The following CEP20 variants were observed in gnomAD, a reference collection of about 807,000 sequenced individuals.
The protein encoded by CEP20 is centrosomal protein 20.
In CEP20, 18 loss-of-function variants were observed where a neutral mutation model predicts 20.0. The observed-to-expected ratio is 0.90, with a 90% confidence interval of 0.62 to 1.34. The LOEUF (loss-of-function observed/expected upper bound fraction) is 1.34, where lower values mean the gene tolerates loss of function less well. Among genes scored for constraint, CEP20 ranks in the 40% most tolerant of loss-of-function variants. The pLI is 0.00. For missense variants in CEP20, 215 were observed against 201.6 expected (o/e 1.07, Z -0.40); for synonymous variants, 77 against 73.7 (o/e 1.04, Z -0.23).
intron 4 of CEP20, among the ~76,000 whole-genome samples, chr16:15,870,910 A>C (rs2044799623): frequency 6.6e-6 from 1 of 152,208 alleles, no homozygotes; most frequent in Non-Finnish European, 1.5e-5. Flanking sequence ...AGCAAATTGC[A>C]GGATAACGTG....
intron 2 of CEP20, among the ~76,000 whole-genome samples, chr16:15,882,363 C>A (rs2045119681): frequency 6.6e-6 from 1 of 151,820 alleles, no homozygotes; most frequent in Non-Finnish European, 1.5e-5. Flanking sequence ...AACGGTGAAA[C>A]CCTGTCTCTA....
At chr16:15,885,801 G>C (rs1303053224) in intron 1 of CEP20, 1 of 152,252 alleles carries the variant, frequency 6.6e-6, no homozygotes, top group Non-Finnish European at 1.5e-5. Flanking sequence ...CCATCTTAAG[G>C]AGTCAGGGAT....
At chr16:15,879,291 C>A (rs943075014) in intron 3 of CEP20, among the ~76,000 whole-genome samples, 1 of 151,620 alleles carries the variant, frequency 6.6e-6, no homozygotes, top group Non-Finnish European at 1.5e-5. Flanking sequence ...GAGGAGAGAT[C>A]TGAGTACATT....
At chr16:15,868,552 C>T (rs919041554) in intron 4 of CEP20, among the ~76,000 whole-genome samples, 1 of 152,166 alleles carries the variant, frequency 6.6e-6, no homozygotes, top group African/African-American at 2.4e-5. Flanking sequence ...TTTCTTGCAA[C>T]AACTTTGATA....
chr16:15,867,159 G>A lies in CEP20; in HGVS notation c.*281C>T, dbSNP rs745762635. On this transcript the variant is annotated 3_prime_UTR_variant, in exon 5 of 5. Transcript: ENST00000255759. The stretch of plus-strand genomic sequence containing the variant: ...GGAGGCAGAGATTGCAGTGAGCCGA[G>A]ATCGTGCCACTGCACTCCAGTCTGG... 10 of 227,916 alleles carry A rather than the reference G, an allele frequency of 4.4e-5. No homozygotes were observed. The highest frequency in any genetic ancestry group is 8.6e-5 in the Non-Finnish European group (10 of 115,660). The allele number at this position is 227,916 out of a possible 1,614,324, so 14.1% of individuals were successfully genotyped here.
chr16:15,866,038 T>G lies in CEP20; in HGVS notation c.*1402A>C, dbSNP rs1486931496. 6.6e-6 allele frequency: 1 copy of G among 152,206 alleles called. No homozygotes were observed. The highest frequency in any genetic ancestry group is 6.5e-5 in the Admixed American group (1 of 15,276). 9.4% of individuals were successfully genotyped at this position (152,206 alleles called of 1,614,324 possible). A position where few individuals can be genotyped will look rare whatever the true frequency, so the allele number is the denominator to read the frequency against. On this transcript the variant is annotated 3_prime_UTR_variant, in exon 5 of 5. Coordinates refer to ENST00000255759, the MANE Select transcript of CEP20 (RefSeq NM_144600.4). Reference sequence around the variant, plus strand: ...AATACAACGGAATTCATCAATGTAATCAGATATTGCAGATTTAAAAATGGA... The same window carrying G: ...AATACAACGGAATTCATCAATGTAAGCAGATATTGCAGATTTAAAAATGGA...
At chr16:15,868,300 A>C (rs2044735383) in intron 4 of CEP20, among the ~76,000 whole-genome samples, 1 of 151,532 alleles carries the variant, frequency 6.6e-6, no homozygotes, top group Non-Finnish European at 1.5e-5. Context: ...GCGGGCACCT[A>C]CAATCCCAGC....
intron 1 of CEP20, among the ~76,000 whole-genome samples, chr16:15,887,010 T>G (rs1196676841): frequency 6.6e-6 from 1 of 151,400 alleles, no homozygotes; most frequent in Non-Finnish European, 1.5e-5. Flanking sequence ...GCTATCTTCC[T>G]GTTTCAGCCT....
At chr16:15,867,634 T>C (rs1006748038) in intron 4 of CEP20, 118 bp from the exon 5 acceptor site, 2 of 651,996 alleles carry the variant, frequency 3.1e-6, no homozygotes, top group Non-Finnish European at 2.6e-6. Context: ...GTACTTTAGA[T>C]GGTTTAGGAC....
At chr16:15,878,957 A>G (rs913374851) in intron 3 of CEP20, among the ~76,000 whole-genome samples, 2 of 152,010 alleles carry the variant, frequency 1.3e-5, no homozygotes, top group African/African-American at 4.8e-5. Context: ...CTTCAAAGAA[A>G]GTTCTAGATT....
intron 1 of CEP20, 64 bp downstream of exon 1, chr16:15,888,494 C>G (rs1416149016): frequency 1.2e-6 from 2 of 1,609,546 alleles, no homozygotes; most frequent in Non-Finnish European, 8.5e-7. Context: ...TCCTCCCATC[C>G]CATCCTTTCC....
chr16:15,884,106 C>A lies in CEP20; in HGVS notation c.128G>T (p.Arg43Leu). ...FNALDDDREP[R>L]PSLSHENLLI... ...AAGGTTTTCATGAGACAATGATGGTCGGGGTTCACGGTCATCATCTAGGGC... is the reference window on the plus strand; with the variant it reads ...AAGGTTTTCATGAGACAATGATGGTAGGGGTTCACGGTCATCATCTAGGGC... Residue 43 changes from arginine (R) to leucine (L), a missense_variant, in exon 2 of 5, where the codon CGA (arginine) becomes CTA (leucine). By Grantham distance (102) the Arg-to-Leu change is moderately radical. Transcript: ENST00000255759. The A allele has an allele frequency of 1.2e-6, 2 of 1,614,102 alleles. No individual in the cohort carries two copies. The highest frequency in any genetic ancestry group is 2.2e-5 in the South Asian group (2 of 91,086).
intron 3 of CEP20, among the ~76,000 whole-genome samples, chr16:15,873,908 A>C (rs2044882151): frequency 7.0e-6 from 1 of 142,832 alleles, no homozygotes; most frequent in Non-Finnish European, 1.5e-5. Flanking sequence ...AATCCACAGG[A>C]ATCTCTTTTA....
At chr16:15,872,686 C>T (rs757822717) in intron 4 of CEP20, among the ~76,000 whole-genome samples, 12 of 151,368 alleles carry the variant, frequency 7.9e-5, no homozygotes, top group Non-Finnish European at 1.5e-4. Flanking sequence ...TCTAGTCAGG[C>T]GACAGAGTGA....
At chr16:15,888,526 T>C (rs1026575606) in intron 1 of CEP20, 32 bp downstream of exon 1, 1 of 1,613,916 alleles carries the variant, frequency 6.2e-7, no homozygotes, top group Non-Finnish European at 8.5e-7. Flanking sequence ...GCCCGACGCT[T>C]CCCATGTGGA....
chr16:15,882,341 A>C (rs1301331388), intron 2 of CEP20, among the ~76,000 whole-genome samples: 1 of 152,154 alleles, frequency 6.6e-6, no homozygotes, highest in Non-Finnish European at 1.5e-5. Context: ...GGAGACTGAG[A>C]CCATCCTGGC....
chr16:15,877,151 C>CATA (rs2044973764), intron 3 of CEP20: 1 of 152,386 alleles, frequency 6.6e-6, no homozygotes, highest in African/African-American at 2.4e-5. Flanking sequence ...TGCGCCCGGC[C>CATA]TTCTTTTTTA....
chr16:15,877,791 CA>C (rs1434264443), intron 3 of CEP20, among the ~76,000 whole-genome samples: 3 of 151,494 alleles, frequency 2.0e-5, no homozygotes, highest in Non-Finnish European at 4.4e-5. Flanking sequence ...AAAAAACAAA[CA>C]AAAAAACCTC....
intron 4 of CEP20, among the ~76,000 whole-genome samples, chr16:15,872,325 A>T (rs1016398683): frequency 5.9e-5 from 9 of 152,078 alleles, no homozygotes; most frequent in African/African-American, 2.2e-4. Flanking sequence ...AAAAAAAAAA[A>T]AAATTGATCA....
Sources: gnomAD v4.1 joint callset for allele counts (sites outside exome capture counted in the v4.1 genomes callset) on GRCh38, gnomAD v4.1.1 for gene constraint, MANE v1.5 for transcripts, NCBI Gene and HGNC (gene_info 2026-07-23, HGNC 2026-07-21) for gene names.